Variants in GRID2 observed in about 807,000 individuals in gnomAD.
GRID2 encodes glutamate receptor ionotropic, delta-2.
In GRID2, 33 loss-of-function variants were observed where a neutral mutation model predicts 114.8. The ratio of observed to expected loss-of-function variants is 0.29; its 90% CI spans 0.22 to 0.38. GRID2 has a LOEUF of 0.38. Ranked by LOEUF, GRID2 falls within the 10% of genes least tolerant of loss-of-function variation. The pLI is 1.00. For synonymous variants in GRID2, 505 were observed against 449.9 expected (o/e 1.12, Z -1.55); for missense variants, 1,184 against 1,257.7 (o/e 0.94, Z 0.89).
At chr4:92,316,693 G>A (rs1390664634) in intron 1 of GRID2, among the ~76,000 whole-genome samples, 1 of 151,912 alleles carries the variant, frequency 6.6e-6, no homozygotes, top group African/African-American at 2.4e-5. Context: ...CCAGCTGAAC[G>A]ACTGTGGTCT....
intron 2 of GRID2, among the ~76,000 whole-genome samples, chr4:92,820,594 T>A (rs2149386905): frequency 6.6e-6 from 1 of 152,274 alleles, no homozygotes; most frequent in East Asian, 1.9e-4. Flanking sequence ...TTATAGAAAG[T>A]GTTTAGCTTA....
At chr4:92,427,153 A>G (rs1732199593) in intron 1 of GRID2, among the ~76,000 whole-genome samples, 2 of 152,190 alleles carry the variant, frequency 1.3e-5, no homozygotes, top group South Asian at 2.1e-4. Flanking sequence ...TCAAAATATC[A>G]GAAGGATGCT....
chr4:92,355,042 T>TCA (rs1347899089), intron 1 of GRID2, among the ~76,000 whole-genome samples: 5 of 151,966 alleles, frequency 3.3e-5, no homozygotes, highest in African/African-American at 1.2e-4. Flanking sequence ...CAGATGTCAC[T>TCA]CACTCATGGC....
intron 12 of GRID2, among the ~76,000 whole-genome samples, chr4:93,509,491 G>A (rs980680286): frequency 2.0e-5 from 3 of 152,116 alleles, no homozygotes; most frequent in Non-Finnish European, 2.9e-5. Flanking sequence ...GTAATTGAGT[G>A]CTCATAGCTA....
At chr4:93,268,950 A>C (rs997768399) in intron 8 of GRID2, among the ~76,000 whole-genome samples, 1 of 152,158 alleles carries the variant, frequency 6.6e-6, no homozygotes, top group Non-Finnish European at 1.5e-5. Flanking sequence ...TTTTTAAATG[A>C]TGGAGAGAAA....
chr4:93,203,048 G>A (rs1742283207), intron 4 of GRID2, among the ~76,000 whole-genome samples: 1 of 152,008 alleles, frequency 6.6e-6, no homozygotes, highest in African/African-American at 2.4e-5. Context: ...GATTTCCAAG[G>A]TCTAGGCTAT....
intron 2 of GRID2, among the ~76,000 whole-genome samples, chr4:92,945,813 A>C (rs1344630675): frequency 6.6e-6 from 1 of 152,008 alleles, no homozygotes; most frequent in Non-Finnish European, 1.5e-5. Context: ...CAGCCTTTTT[A>C]CTGTCTGTAA....
chr4:92,663,424 A>G (rs1462052053), intron 2 of GRID2, among the ~76,000 whole-genome samples: 1 of 151,160 alleles, frequency 6.6e-6, no homozygotes, highest in Non-Finnish European at 1.5e-5. Flanking sequence ...TGGGAAATTC[A>G]TTGAACATCT....
At chr4:93,106,266 A>G (rs1385951213) in intron 3 of GRID2, among the ~76,000 whole-genome samples, 1 of 152,228 alleles carries the variant, frequency 6.6e-6, no homozygotes. Flanking sequence ...CCAGCTAATC[A>G]GCATACAGAT....
chr4:92,319,981 G>A (rs1386062986), intron 1 of GRID2, among the ~76,000 whole-genome samples: 1 of 152,146 alleles, frequency 6.6e-6, no homozygotes. Flanking sequence ...TGCATTTGTG[G>A]TGGAAGGTGT....
intron 14 of GRID2, among the ~76,000 whole-genome samples, chr4:93,627,994 A>G (rs987316894): frequency 1.3e-5 from 2 of 152,006 alleles, no homozygotes; most frequent in African/African-American, 4.8e-5. Context: ...GCCAACATGG[A>G]GAAACCCCAT....
chr4:93,742,856 TA>T (rs1367940663), intron 14 of GRID2, among the ~76,000 whole-genome samples: 1 of 152,192 alleles, frequency 6.6e-6, no homozygotes, highest in Non-Finnish European at 1.5e-5. Context: ...CAATAGCTTC[TA>T]AGTGTTCAAA....
intron 2 of GRID2, among the ~76,000 whole-genome samples, chr4:92,694,739 A>G (rs1734346678): frequency 6.6e-6 from 1 of 152,174 alleles, no homozygotes; most frequent in Non-Finnish European, 1.5e-5. Flanking sequence ...TTACCAAAAT[A>G]TGTGAAACTT....
chr4:92,361,628 G>T (rs1468064338), intron 1 of GRID2, among the ~76,000 whole-genome samples: 2 of 152,000 alleles, frequency 1.3e-5, no homozygotes, highest in Non-Finnish European at 2.9e-5. Context: ...CTCAGAGGAA[G>T]TAGGTTGTGA....
intron 8 of GRID2, among the ~76,000 whole-genome samples, chr4:93,261,269 T>C (rs924518693): frequency 5.3e-5 from 8 of 151,886 alleles, no homozygotes; most frequent in African/African-American, 1.9e-4. Context: ...CACCACACTT[T>C]ACGAAAGTGC....
At chr4:92,360,248 A>G (rs1296680476) in intron 1 of GRID2, among the ~76,000 whole-genome samples, 1 of 151,888 alleles carries the variant, frequency 6.6e-6, no homozygotes, top group Non-Finnish European at 1.5e-5. Context: ...TACTATTCCA[A>G]GACAACTTGT....
At chr4:93,487,914 C>A (rs1317880228) in intron 11 of GRID2, among the ~76,000 whole-genome samples, 4 of 151,912 alleles carry the variant, frequency 2.6e-5, no homozygotes, top group African/African-American at 9.7e-5. Context: ...ATTCCCATTA[C>A]TTTTAATATT....
chr4:93,669,677 C>A (rs887961467), intron 14 of GRID2, among the ~76,000 whole-genome samples: 2 of 152,106 alleles, frequency 1.3e-5, no homozygotes, highest in Non-Finnish European at 2.9e-5. Flanking sequence ...AAACACATAT[C>A]TTTTATTTCA....
intron 2 of GRID2, among the ~76,000 whole-genome samples, chr4:92,827,203 C>A (rs1172740922): frequency 6.6e-6 from 1 of 151,816 alleles, no homozygotes; most frequent in Non-Finnish European, 1.5e-5. Flanking sequence ...TTAAACTATT[C>A]TATTTTATTT....
Sources: allele counts gnomAD v4.1 joint callset (sites outside exome capture counted in the v4.1 genomes callset), GRCh38; gene constraint gnomAD v4.1.1; transcripts MANE v1.5; gene names NCBI Gene and HGNC (gene_info 2026-07-23, HGNC 2026-07-21).